ADAT2: variants seen among roughly 807,000 people sequenced by gnomAD.
The protein encoded by ADAT2 is tRNA-specific adenosine-34 deaminase catalytic subunit ADAT2.
ADAT2 carries 26 observed loss-of-function variants against 25.9 expected under a neutral mutation model. The ratio of observed to expected loss-of-function variants is 1.00; its 90% CI spans 0.74 to 1.39. The LOEUF is 1.39. Among genes scored for constraint, ADAT2 ranks in the 40% most tolerant of loss-of-function variants. The pLI, the probability that ADAT2 is intolerant of heterozygous loss-of-function variation, is 0.00. For synonymous variants in ADAT2, 76 were observed against 86.8 expected, an observed-to-expected ratio of 0.88 and a Z score of 0.69; for missense variants, 220 against 244.8, an observed-to-expected ratio of 0.90 and a Z score of 0.68.
At position 143,437,038 on chromosome 6, in the gene ADAT2, G is replaced by T. The variant is rs17072609; in HGVS notation, c.201+1552C>A. ...TTTTTTCTTTCTAATTCTACACTTC[G>T]ATCTACTATTTTTCATAAGCAAATT... On this transcript the variant is annotated intron_variant, in intron 2 of 5. Coordinates refer to ENST00000237283, the MANE Select transcript of ADAT2 (RefSeq NM_182503.3). This position sits in a 1 kb window ranked among gnomAD's most constrained non-coding sequence, Gnocchi z 4.1. Among the ~76,000 whole-genome samples the T allele has an allele frequency of 6.6e-6, 1 of 151,226 alleles. No individual in the cohort carries two copies. Among genetic ancestry groups the T allele is most frequent in the African/African-American group, 2.4e-5 (1 of 41,232 alleles).
In ADAT2 at chr6:143,434,953, A is replaced by G. The variant is rs17072606; in HGVS notation, c.202-972T>C. Among the ~76,000 whole-genome samples, 42,817 of 151,980 alleles carry G rather than the reference A, an allele frequency of 0.28. 6,289 individuals carry two copies. The highest frequency in any genetic ancestry group is 0.32 in the Admixed American group (4,887 of 15,264). On this transcript the variant is annotated intron_variant, in intron 2 of 5. Coordinates refer to ENST00000237283, the MANE Select transcript of ADAT2 (RefSeq NM_182503.3). The surrounding 1 kb of genome is among the most constrained non-coding windows in gnomAD (Gnocchi z 4.5). ...GTCCTCAACAAGCATAAAATCTGGT[A>G]GGGCTCATTTACCTGTGAGATAGGG...
intron 2 of ADAT2, among the ~76,000 whole-genome samples, chr6:143,435,545 T>C (rs1779248661): frequency 6.6e-6 from 1 of 152,176 alleles, no homozygotes; most frequent in Admixed American, 6.5e-5. Flanking sequence ...TGGGGTTAGA[T>C]GGGTATTGTT....
Position 143,424,616 on chromosome 6 carries a change from C to T in ADAT2, c.*3847G>A, listed in dbSNP as rs1053128281. On this transcript the variant is annotated 3_prime_UTR_variant, in exon 6 of 6. Transcript: ENST00000237283. This position sits in a 1 kb window ranked among gnomAD's most constrained non-coding sequence, Gnocchi z 4.8. ...TTTTCCAAAACCCTATCTTATCAGG[C>T]ATAATGAAATTTATATAATTATTAC... 1 of 152,100 alleles carries T rather than the reference C, an allele frequency of 6.6e-6. No individual in the cohort carries two copies. Among genetic ancestry groups the T allele is most frequent in the Non-Finnish European group, 1.5e-5 (1 of 68,026 alleles). The allele number at this position is 152,100 out of a possible 1,614,324, so 9.4% of individuals were successfully genotyped here.
Position 143,423,555 on chromosome 6 carries a change from G to C in ADAT2, c.*4908C>G, listed in dbSNP as rs966113536. 1.3e-5 allele frequency: 2 copies of C among 152,192 alleles called. No homozygotes were observed. Among genetic ancestry groups the C allele is most frequent in the African/African-American group, 4.8e-5 (2 of 41,450 alleles). The allele number at this position is 152,192 out of a possible 1,614,324, so 9.4% of individuals were successfully genotyped here. ...AAGGAAGACTTAATTCAGGACTACA[G>C]TGATAGGTTTTAAAACTATCGCAGG... is the stretch of plus-strand genomic sequence containing the variant. On this transcript the variant is annotated 3_prime_UTR_variant, in exon 6 of 6. Transcript: ENST00000237283.
In ADAT2 at chr6:143,427,587, A is replaced by C. The variant is rs77490855; in HGVS notation, c.*876T>G. 18 of 152,320 alleles carry C rather than the reference A, an allele frequency of 1.2e-4. No homozygotes were observed. In the East Asian group the frequency reaches 3.3e-3, roughly 28 times the overall value. The allele number at this position is 152,320 out of a possible 1,614,324, so 9.4% of individuals were successfully genotyped here. ...CCATTTGTTTCAGATTAAATTGATCATTCTATTTTTCAGTCAGCATTCTCA... is the reference window on the plus strand; with the variant it reads ...CCATTTGTTTCAGATTAAATTGATCCTTCTATTTTTCAGTCAGCATTCTCA... On this transcript the variant is annotated 3_prime_UTR_variant, in exon 6 of 6. Transcript: ENST00000237283.
In ADAT2 at chr6:143,433,851, G is replaced by C; in HGVS notation, c.332C>G (p.Ala111Gly). 6.2e-7 allele frequency: 1 copy of C among 1,614,040 alleles called. No homozygotes were observed. The highest frequency in any genetic ancestry group is 1.6e-4 in the Middle Eastern group (1 of 6,062). Reference protein sequence around the residue: ...YVTVEPCIMCAAALRLMKIPL... With the variant: ...YVTVEPCIMCGAALRLMKIPL... ...GATACTCATCAGGCGGAGAGCAGCT[G>C]CACACATAATGCACGGCTCCACAGT... The change falls in exon 3 of 6, where the codon GCA becomes GGA. Residue 111 changes from alanine (A) to glycine (G), a missense_variant. Coordinates refer to ENST00000237283, the MANE Select transcript of ADAT2 (RefSeq NM_182503.3).
At position 143,442,399 on chromosome 6, in the gene ADAT2, AG is replaced by A; in HGVS notation, c.97-3706del. Among the ~76,000 whole-genome samples, 1 of 152,162 alleles carries A rather than the reference AG, an allele frequency of 6.6e-6. No individual in the cohort carries two copies. The highest frequency in any genetic ancestry group is 1.5e-5 in the Non-Finnish European group (1 of 67,992). On this transcript the variant is annotated intron_variant, in intron 1 of 5. Coordinates refer to ENST00000237283, the MANE Select transcript of ADAT2 (RefSeq NM_182503.3). This position sits in a 1 kb window ranked among gnomAD's most constrained non-coding sequence, Gnocchi z 4.6. ...GCTGCAGCTATAAAGAGGTAGCACA[AG>A]GGAGCCATGTGGTAGTGAAACAGTT...
Position 143,428,806 on chromosome 6 carries a change from G to T in ADAT2, c.460-122C>A. 1 of 918,268 alleles carries T rather than the reference G, an allele frequency of 1.1e-6. No individual in the cohort carries two copies. Among genetic ancestry groups the T allele is most frequent in the Non-Finnish European group, 1.6e-6 (1 of 614,214 alleles). 56.9% of individuals were successfully genotyped at this position (918,268 alleles called of 1,614,324 possible). ...ATTTCAGATGTTAATAAACTTTGGGGATATTAGTAACATGGGTAAGGAGGT... is the reference window on the plus strand; with the variant it reads ...ATTTCAGATGTTAATAAACTTTGGGTATATTAGTAACATGGGTAAGGAGGT... On this transcript the variant is annotated intron_variant, in intron 4 of 5. Transcript: ENST00000237283. The surrounding 1 kb of genome is among the most constrained non-coding windows in gnomAD (Gnocchi z 5.0).
rs1300916811 is a variant in ADAT2 at position 143,433,930 on chromosome 6, G to A, written c.253C>T (p.Arg85Cys). ...TCAGAGGGACTCTTGCCACTTTGAC[G>A]ACACCAATCGAGGACCTGATCGATG... Reference protein sequence around the residue: ...VAIDQVLDWCRQSGKSPSEVF... With the variant: ...VAIDQVLDWCCQSGKSPSEVF... The change falls in exon 3 of 6, where the codon CGT (arginine) becomes TGT (cysteine). Residue 85 changes from arginine (R) to cysteine (C), a missense_variant. Physicochemically the swap from Arg to Cys is radical, Grantham distance 180. Transcript: ENST00000237283. 10 of 1,613,964 alleles carry A rather than the reference G, an allele frequency of 6.2e-6. No homozygotes were observed. Among genetic ancestry groups the A allele is most frequent in the Middle Eastern group, 1.6e-4 (1 of 6,082 alleles).
chr6:143,441,271 C>T (rs1410208470), intron 1 of ADAT2, among the ~76,000 whole-genome samples: 1 of 152,114 alleles, frequency 6.6e-6, no homozygotes, highest in Non-Finnish European at 1.5e-5. Flanking sequence ...ACTTACAAAC[C>T]ACATCTCTGG....
chr6:143,433,239 T>A (rs908609658), intron 3 of ADAT2, among the ~76,000 whole-genome samples: 2 of 152,200 alleles, frequency 1.3e-5, no homozygotes, highest in African/African-American at 2.4e-5. Flanking sequence ...TTTCAAATAA[T>A]TTTTTAAAAA....
At chr6:143,433,065 G>A (rs1008344184) in intron 3 of ADAT2, among the ~76,000 whole-genome samples, 3 of 152,326 alleles carry the variant, frequency 2.0e-5, no homozygotes, top group African/African-American at 7.2e-5. Flanking sequence ...AAGGCAGGAT[G>A]AGGAGAGAAT....
intron 1 of ADAT2, among the ~76,000 whole-genome samples, chr6:143,448,668 T>A (rs1779664606): frequency 6.7e-6 from 1 of 148,312 alleles, no homozygotes; most frequent in African/African-American, 2.4e-5. Flanking sequence ...AGTGAAATTG[T>A]GTATTCATTT....
In ADAT2 at chr6:143,426,974, G is replaced by C. The variant is rs933784242; in HGVS notation, c.*1489C>G. On this transcript the variant is annotated 3_prime_UTR_variant, in exon 6 of 6. Coordinates refer to ENST00000237283, the MANE Select transcript of ADAT2 (RefSeq NM_182503.3). This position sits in a 1 kb window ranked among gnomAD's most constrained non-coding sequence, Gnocchi z 4.1. ...ACCAACTGCAAAAAGGAACAAACTAGTAGAAGCACTAAAATTCAATGAGAA... is the reference window on the plus strand; with the variant it reads ...ACCAACTGCAAAAAGGAACAAACTACTAGAAGCACTAAAATTCAATGAGAA... The C allele has an allele frequency of 6.6e-6, 1 of 152,164 alleles. No homozygotes were observed. The highest frequency in any genetic ancestry group is 2.1e-4 in the South Asian group (1 of 4,818). The allele number at this position is 152,164 out of a possible 1,614,324, so 9.4% of individuals were successfully genotyped here. A position where few individuals can be genotyped will look rare whatever the true frequency, so the allele number is the denominator to read the frequency against.
chr6:143,440,983 G>C lies in ADAT2; in HGVS notation c.97-2289C>G, dbSNP rs1251947203. Among the ~76,000 whole-genome samples, 1 of 152,184 alleles carries C rather than the reference G, an allele frequency of 6.6e-6. No individual in the cohort carries two copies. The highest frequency in any genetic ancestry group is 2.4e-5 in the African/African-American group (1 of 41,446). ...CGAAGTGATAACGGAAGGAGAGAGA[G>C]AGAGATTTGAAAATGCTGCACTGCT... is the stretch of plus-strand genomic sequence containing the variant. On this transcript the variant is annotated intron_variant, in intron 1 of 5. Transcript: ENST00000237283. The surrounding 1 kb of genome is among the most constrained non-coding windows in gnomAD (Gnocchi z 4.5).
Position 143,423,285 on chromosome 6 carries a change from C to T in ADAT2, c.*5178G>A, listed in dbSNP as rs914919781. The T allele has an allele frequency of 1.3e-5, 2 of 152,254 alleles. No homozygotes were observed. The highest frequency in any genetic ancestry group is 4.8e-5 in the African/African-American group (2 of 41,462). 9.4% of individuals were successfully genotyped at this position (152,254 alleles called of 1,614,324 possible). A position where few individuals can be genotyped will look rare whatever the true frequency, so the allele number is the denominator to read the frequency against. On this transcript the variant is annotated 3_prime_UTR_variant, in exon 6 of 6. Coordinates refer to ENST00000237283, the MANE Select transcript of ADAT2 (RefSeq NM_182503.3). ...TGGGCATGGCTGTCATCCAATGTAACTTTATTTATGGACACTGAAATTTGA... is the reference window on the plus strand; with the variant it reads ...TGGGCATGGCTGTCATCCAATGTAATTTTATTTATGGACACTGAAATTTGA...
In ADAT2 at chr6:143,439,209, G is replaced by C. The variant is rs979931375; in HGVS notation, c.97-515C>G. ...ATTTCTACTCTATGTGAGACAATAA[G>C]AGTTTAGAAGTACTCTATGTAAAAT... On this transcript the variant is annotated intron_variant, in intron 1 of 5. Coordinates refer to ENST00000237283, the MANE Select transcript of ADAT2 (RefSeq NM_182503.3). Among the ~76,000 whole-genome samples the C allele has an allele frequency of 1.3e-5, 2 of 152,014 alleles. 1 individual carries two copies. The highest frequency in any genetic ancestry group is 4.1e-4 in the South Asian group (2 of 4,824).
rs549046325 is a variant in ADAT2, at chr6:143,426,425, G to C, written c.*2038C>G. ...TGATTTTCTCCCAAAGCGATGGAGGGAACTGTGCCCCAGTCCAAACATTTA... is the reference window on the plus strand; with the variant it reads ...TGATTTTCTCCCAAAGCGATGGAGGCAACTGTGCCCCAGTCCAAACATTTA... On this transcript the variant is annotated 3_prime_UTR_variant, in exon 6 of 6. Coordinates refer to ENST00000237283, the MANE Select transcript of ADAT2 (RefSeq NM_182503.3). The surrounding 1 kb of genome is among the most constrained non-coding windows in gnomAD (Gnocchi z 4.1). 1 of 152,296 alleles carries C rather than the reference G, an allele frequency of 6.6e-6. No individual in the cohort carries two copies. The highest frequency in any genetic ancestry group is 2.1e-4 in the South Asian group (1 of 4,826). The allele number at this position is 152,296 out of a possible 1,614,324, so 9.4% of individuals were successfully genotyped here. A position where few individuals can be genotyped will look rare whatever the true frequency, so the allele number is the denominator to read the frequency against.
chr6:143,446,075 G>C lies in ADAT2; in HGVS notation c.96+4488C>G, dbSNP rs1266006600. 1.4e-5 allele frequency among the ~76,000 whole-genome samples: 2 copies of C among 144,740 alleles called. No homozygotes were observed. The highest frequency in any genetic ancestry group is 2.6e-5 in the African/African-American group (1 of 38,550). The allele number at this position is 144,740 out of a possible 152,430, so 95.0% of individuals were successfully genotyped here. A position where few individuals can be genotyped will look rare whatever the true frequency, so the allele number is the denominator to read the frequency against. ...AGCGATTAAAAAAAAAAAACCTCAT[G>C]TATCAAAAAAAAAAAACCCACTAAG... On this transcript the variant is annotated intron_variant, in intron 1 of 5. Coordinates refer to ENST00000237283, the MANE Select transcript of ADAT2 (RefSeq NM_182503.3). The surrounding 1 kb of genome is among the most constrained non-coding windows in gnomAD (Gnocchi z 5.0).
Sources: allele counts gnomAD v4.1 joint callset (sites outside exome capture counted in the v4.1 genomes callset), GRCh38; gene constraint gnomAD v4.1.1; non-coding constraint Gnocchi (gnomAD v3.1); transcripts MANE v1.5; gene names NCBI Gene and HGNC (gene_info 2026-07-23, HGNC 2026-07-21).